The following RHOA variants were observed in gnomAD, a reference collection of about 807,000 sequenced individuals.
RHOA encodes the protein ras homolog family member A, also known as transforming protein RhoA.
In RHOA, 3 loss-of-function variants were observed where a neutral mutation model predicts 17.5. That is an observed-to-expected ratio of 0.17 (90% CI 0.08 to 0.44). The LOEUF is 0.44. RHOA is among the 20% of genes least tolerant of loss of function. RHOA has a pLI of 0.99. For missense variants in RHOA, 56 were observed against 242.3 expected (o/e 0.23, Z 5.10); for synonymous variants, 98 against 88.4 (o/e 1.11, Z -0.61).
intron 1 of RHOA, among the ~76,000 whole-genome samples, chr3:49,390,170 T>C (rs1055554628): frequency 7.3e-5 from 11 of 151,702 alleles, no homozygotes; most frequent in African/African-American, 1.7e-4. Context: ...AGTCTCACTC[T>C]GTCACCCAGG....
chr3:49,403,152 C>T (rs1262837977), intron 1 of RHOA, among the ~76,000 whole-genome samples: 1 of 151,794 alleles, frequency 6.6e-6, no homozygotes, highest in African/African-American at 2.4e-5. Flanking sequence ...TCCTGGCTAA[C>T]AGAGTGAAAC....
At chr3:49,365,128 T>A (rs899913469) in intron 3 of RHOA, 3 of 151,648 alleles carry the variant, frequency 2.0e-5, no homozygotes, top group African/African-American at 7.3e-5. Context: ...CTGTCTTCCC[T>A]CATCTAGAAC....
At chr3:49,399,020 A>G (rs2048670619) in intron 1 of RHOA, among the ~76,000 whole-genome samples, 2 of 127,288 alleles carry the variant, frequency 1.6e-5, no homozygotes, top group African/African-American at 6.0e-5. Flanking sequence ...GTGCCACTGC[A>G]CTCCAGCCTG....
chr3:49,366,968 C>T (rs1265155702), intron 3 of RHOA: 2 of 152,098 alleles, frequency 1.3e-5, no homozygotes, highest in Non-Finnish European at 2.9e-5. Flanking sequence ...TCATCATCTT[C>T]AGCACAAACC....
rs776019382 is a variant in RHOA, at chr3:49,375,406, CATCAGTTGTTATGAAAAGTAT to C, written c.156+7_156+27del. On this transcript the variant is annotated splice_region_variant and intron_variant, in intron 2 of 4. Transcript: ENST00000418115. ...ATAAATATTCTAACATGGAAAATGG[CATCAGTTGTTATGAAAAGTAT>C]ACTCACCTGCTTTCCATCCACCTCG... 5.7e-6 allele frequency: 9 copies of C among 1,585,944 alleles called. No homozygotes were observed. The highest frequency in any genetic ancestry group is 6.9e-6 in the Non-Finnish European group (8 of 1,165,212).
At chr3:49,368,857 G>A (rs1263352156) in intron 2 of RHOA, among the ~76,000 whole-genome samples, 3 of 151,158 alleles carry the variant, frequency 2.0e-5, no homozygotes, top group Middle Eastern at 3.4e-3. Flanking sequence ...ACAGGTGCCC[G>A]CCATCACACC....
chr3:49,391,565 C>CA (rs1353896643), intron 1 of RHOA, among the ~76,000 whole-genome samples: 1 of 152,024 alleles, frequency 6.6e-6, no homozygotes, highest in Non-Finnish European at 1.5e-5. Flanking sequence ...TTTTTTAAGA[C>CA]AGAGTTTCGC....
intron 1 of RHOA, among the ~76,000 whole-genome samples, chr3:49,396,338 C>T (rs183400396): frequency 6.6e-6 from 1 of 152,220 alleles, no homozygotes; most frequent in East Asian, 1.9e-4. Context: ...CTTTGGGAGG[C>T]TGAGGAGGAT....
intron 2 of RHOA, among the ~76,000 whole-genome samples, chr3:49,375,080 G>C (rs1210942334): frequency 6.6e-6 from 1 of 151,946 alleles, no homozygotes; most frequent in African/African-American, 2.4e-5. Context: ...AGACCAGCCT[G>C]GTGAAACCCC....
chr3:49,399,715 T>C (rs2048690484), intron 1 of RHOA, among the ~76,000 whole-genome samples: 1 of 151,912 alleles, frequency 6.6e-6, no homozygotes, highest in Non-Finnish European at 1.5e-5. Context: ...TGGGATTACA[T>C]GCACTGGTCT....
intron 1 of RHOA, among the ~76,000 whole-genome samples, chr3:49,398,797 G>GCA (rs2107894633): frequency 8.4e-6 from 1 of 119,408 alleles, no homozygotes; most frequent in Non-Finnish European, 1.6e-5. Flanking sequence ...CCGAGATTAT[G>GCA]CCACTGCACT....
chr3:49,402,856 C>T (rs1196897675), intron 1 of RHOA, among the ~76,000 whole-genome samples: 8 of 151,706 alleles, frequency 5.3e-5, no homozygotes, highest in East Asian at 1.9e-4. Flanking sequence ...GCCAACATGG[C>T]GAAACCCCGT....
At chr3:49,395,370 G>A (rs547319274) in intron 1 of RHOA, among the ~76,000 whole-genome samples, 39 of 152,220 alleles carry the variant, frequency 2.6e-4, no homozygotes, top group African/African-American at 8.7e-4. Flanking sequence ...ATTCTGTAAG[G>A]AAGGGAAAGC....
chr3:49,411,114 C>T (rs1279550319), intron 1 of RHOA, among the ~76,000 whole-genome samples: 1 of 152,164 alleles, frequency 6.6e-6, no homozygotes. Context: ...TTTCATGCAA[C>T]ATCGCTTAAA....
chr3:49,393,224 T>C (rs2048539143), intron 1 of RHOA, among the ~76,000 whole-genome samples: 1 of 152,028 alleles, frequency 6.6e-6, no homozygotes, highest in Non-Finnish European at 1.5e-5. Context: ...CTCCCATCCA[T>C]CTTTTACGCT....
chr3:49,408,913 C>A (rs2048885145), intron 1 of RHOA, among the ~76,000 whole-genome samples: 1 of 151,970 alleles, frequency 6.6e-6, no homozygotes, highest in Non-Finnish European at 1.5e-5. Context: ...CTGCCTCAGC[C>A]TCCAGAGCAG....
At chr3:49,389,649 A>C (rs976888148) in intron 1 of RHOA, among the ~76,000 whole-genome samples, 1 of 151,718 alleles carries the variant, frequency 6.6e-6, no homozygotes, top group African/African-American at 2.4e-5. Flanking sequence ...ACAATAAATA[A>C]AAGTTACAGA....
chr3:49,386,169 C>T (rs1386345040), intron 1 of RHOA, among the ~76,000 whole-genome samples: 1 of 152,142 alleles, frequency 6.6e-6, no homozygotes, highest in Non-Finnish European at 1.5e-5. Flanking sequence ...TTGGGGAGTA[C>T]TGTCATCTTT....
chr3:49,379,697 G>A (rs1372062545), intron 1 of RHOA, among the ~76,000 whole-genome samples: 1 of 152,042 alleles, frequency 6.6e-6, no homozygotes, highest in Non-Finnish European at 1.5e-5. Flanking sequence ...TGTATTTTTA[G>A]TAGTGACCGG....
Sources: allele counts gnomAD v4.1 joint callset (sites outside exome capture counted in the v4.1 genomes callset), GRCh38; gene constraint gnomAD v4.1.1; transcripts MANE v1.5; gene names NCBI Gene and HGNC (gene_info 2026-07-23, HGNC 2026-07-21).